Variants in CCDC38 observed in about 807,000 individuals in gnomAD.
CCDC38 encodes the protein coiled-coil domain containing 38, also known as coiled-coil domain-containing protein 38.
CCDC38 carries 69 observed loss-of-function variants against 72.8 expected under a neutral mutation model. The observed-to-expected ratio is 0.95, with a 90% CI of 0.78 to 1.16. The LOEUF (loss-of-function observed/expected upper bound fraction) is 1.16, where lower values mean the gene tolerates loss of function less well. Ranked by LOEUF, CCDC38 falls within the 50% of genes most tolerant of loss-of-function variation. The pLI, the probability that CCDC38 is intolerant of heterozygous loss-of-function variation, is 0.00. For synonymous variants in CCDC38, 201 were observed against 213.2 expected (o/e 0.94, Z 0.50); for missense variants, 626 against 638.9 (o/e 0.98, Z 0.22).
Position 95,898,640 on chromosome 12 carries a change from A to G in CCDC38, c.461T>C (p.Leu154Pro). 1 of 1,614,116 alleles carries G rather than the reference A, an allele frequency of 6.2e-7. No homozygotes were observed. Among genetic ancestry groups the G allele is most frequent in the Non-Finnish European group, 8.5e-7 (1 of 1,180,012 alleles). The stretch of plus-strand genomic sequence containing the variant: ...TTCAAAGGCCAGTGCATCATCTTGG[A>G]GCTTTTTCTCTGCTTTTTTTAGTTG... Reference protein sequence around the residue: ...ERQLKKAEKKLQDDALAFEEF... With the variant: ...ERQLKKAEKKPQDDALAFEEF... The change falls in exon 6 of 16, where the codon CTC (leucine) becomes CCC (proline). Residue 154 changes from leucine (L) to proline (P), a missense_variant. Leu to Pro is a moderately conservative substitution (Grantham distance 98). Transcript: ENST00000344280.
intron 10 of CCDC38, among the ~76,000 whole-genome samples, chr12:95,883,022 C>G (rs2079718480): frequency 6.6e-6 from 1 of 152,204 alleles, no homozygotes; most frequent in Admixed American, 6.5e-5. Context: ...TTATCTGTAA[C>G]CACTCTCTTT....
upstream of CCDC38, chr12:95,942,950 C>T (rs78634060): frequency 3.1e-3 from 488 of 155,934 alleles, no homozygotes; most frequent in Non-Finnish European, 5.9e-3. Context: ...AGAGGTTTCC[C>T]CCATGGCCCC....
chr12:95,896,306 T>C (rs1283127151), intron 7 of CCDC38, among the ~76,000 whole-genome samples: 1 of 152,130 alleles, frequency 6.6e-6, no homozygotes, highest in Non-Finnish European at 1.5e-5. Flanking sequence ...ATTGAGTGAC[T>C]TGGACCAAAA....
At chr12:95,874,009 C>T (rs891734853) in intron 13 of CCDC38, among the ~76,000 whole-genome samples, 5 of 152,134 alleles carry the variant, frequency 3.3e-5, no homozygotes, top group African/African-American at 1.2e-4. Context: ...TAAAAGAAAA[C>T]AGCAAAAGTC....
chr12:95,928,616 T>C (rs2080299826), intron 2 of CCDC38, among the ~76,000 whole-genome samples: 1 of 152,232 alleles, frequency 6.6e-6, no homozygotes, highest in Non-Finnish European at 1.5e-5. Context: ...AGAGGCGCTC[T>C]GCTTTTTAGA....
intron 4 of CCDC38, among the ~76,000 whole-genome samples, chr12:95,912,994 G>A (rs1332964618): frequency 1.3e-5 from 2 of 152,154 alleles, no homozygotes; most frequent in African/African-American, 2.4e-5. Flanking sequence ...TGAGCCAGGA[G>A]GTCGAGGCTG....
intron 7 of CCDC38, 40 bp from the exon 8 acceptor site, chr12:95,895,186 G>A: frequency 2.1e-6 from 3 of 1,449,050 alleles, no homozygotes; most frequent in Non-Finnish European, 2.8e-6. Flanking sequence ...GTATATCAGT[G>A]TGAAAGCACA....
At chr12:95,871,402 TC>T (rs1438034361) in intron 14 of CCDC38, among the ~76,000 whole-genome samples, 7 of 152,170 alleles carry the variant, frequency 4.6e-5, no homozygotes, top group African/African-American at 1.7e-4. Context: ...AAATATGCCG[TC>T]TTATATGAGA....
At chr12:95,876,012 ATTATT>A (rs1175712236) in intron 13 of CCDC38, among the ~76,000 whole-genome samples, 8 of 152,206 alleles carry the variant, frequency 5.3e-5, no homozygotes, top group African/African-American at 1.9e-4. Context: ...TGGTTTCAGA[ATTATT>A]TTAAACAGTT....
chr12:95,907,783 C>T (rs1023466630), intron 4 of CCDC38, among the ~76,000 whole-genome samples: 1 of 150,560 alleles, frequency 6.6e-6, no homozygotes, highest in Non-Finnish European at 1.5e-5. Flanking sequence ...CAGGCAGAGA[C>T]GCTCCTCACA....
chr12:95,930,472 ATTCTT>A (rs1592806871), intron 2 of CCDC38, among the ~76,000 whole-genome samples: 2 of 152,100 alleles, frequency 1.3e-5, no homozygotes, highest in Non-Finnish European at 2.9e-5. Context: ...CTCTTCCTCC[ATTCTT>A]CACATGACCT....
chr12:95,869,596 T>A, intron 14 of CCDC38, 23 bp from the exon 15 acceptor site: 31 of 1,547,098 alleles, frequency 2.0e-5, no homozygotes, highest in Non-Finnish European at 2.7e-5. Context: ...GGGAGAAACA[T>A]TCTTGTAACT....
Position 95,918,942 on chromosome 12 carries a change from C to T in CCDC38, c.72G>A (p.Arg24=), listed in dbSNP as rs201099050. The part of the protein sequence containing the change: ...KVKDGSTKED[R]PYKIFFRDLF... ...GATCTCTGAAAAAGATCTTATAAGGCCTGTCCTCTTTGGTTGAGCCATCTT... is the reference window on the plus strand; with the variant it reads ...GATCTCTGAAAAAGATCTTATAAGGTCTGTCCTCTTTGGTTGAGCCATCTT... Residue 24 remains arginine, a synonymous_variant, in exon 3 of 16, where the codon AGG becomes AGA. Transcript: ENST00000344280. 6.2e-7 allele frequency: 1 copy of T among 1,611,832 alleles called. No homozygotes were observed. The highest frequency in any genetic ancestry group is 1.3e-5 in the African/African-American group (1 of 74,934).
In CCDC38 at chr12:95,878,300, C is replaced by G. The variant is rs746109926; in HGVS notation, c.1189G>C (p.Ala397Pro). ...TTCTCTTCTTCTCTCACACAGTTAGCTTTAAGCATTTTTTCTTGCTCCAAA... is the reference window on the plus strand; with the variant it reads ...TTCTCTTCTTCTCTCACACAGTTAGGTTTAAGCATTTTTTCTTGCTCCAAA... ...FLLEQEKMLK[A>P]NCVREEEKAA... The change falls in exon 13 of 16, where the codon GCT becomes CCT. Residue 397 changes from alanine to proline, a missense_variant. Coordinates refer to ENST00000344280, the MANE Select transcript of CCDC38 (RefSeq NM_182496.3). The G allele has an allele frequency of 3.1e-6, 5 of 1,613,502 alleles. No homozygotes were observed. Among genetic ancestry groups the G allele is most frequent in the Non-Finnish European group, 4.2e-6 (5 of 1,179,740 alleles).
At chr12:95,923,798 T>A (rs1165547870) in intron 2 of CCDC38, among the ~76,000 whole-genome samples, 4 of 149,758 alleles carry the variant, frequency 2.7e-5, no homozygotes, top group African/African-American at 9.9e-5. Flanking sequence ...TGGTGTTTGG[T>A]TTTTTGTTCT....
rs777956188 is a variant in CCDC38, at chr12:95,881,494, G to A, written c.981C>T (p.Asp327=). 47 of 1,605,836 alleles carry A rather than the reference G, an allele frequency of 2.9e-5. No homozygotes were observed. Among genetic ancestry groups the A allele is most frequent in the African/African-American group, 6.7e-5 (5 of 74,664 alleles). The change falls in exon 11 of 16, where the codon GAC becomes GAT. Residue 327 remains aspartate (D), a synonymous_variant. Coordinates refer to ENST00000344280, the MANE Select transcript of CCDC38 (RefSeq NM_182496.3). ...SLEFLLDDEM[D]VDLEPALYFK... Reference sequence around the variant, plus strand: ...AATATAATCTGGTTACCAAATCAACGTCCATTTCATCATCTAAAAGGAATT... The same window carrying A: ...AATATAATCTGGTTACCAAATCAACATCCATTTCATCATCTAAAAGGAATT...
chr12:95,895,636 C>T (rs532597832), intron 7 of CCDC38, among the ~76,000 whole-genome samples: 2 of 151,720 alleles, frequency 1.3e-5, no homozygotes, highest in African/African-American at 4.8e-5. Context: ...GCCTGTAATC[C>T]CAGCTACTTG....
At position 95,869,592 on chromosome 12, in the gene CCDC38, A is replaced by C. The variant is rs1259307653; in HGVS notation, c.1485-19T>G. The C allele has an allele frequency of 2.6e-6, 4 of 1,560,136 alleles. No homozygotes were observed. Among genetic ancestry groups the C allele is most frequent in the Non-Finnish European group, 3.5e-6 (4 of 1,132,746 alleles). On this transcript the variant is annotated intron_variant, in intron 14 of 15. Coordinates refer to ENST00000344280, the MANE Select transcript of CCDC38 (RefSeq NM_182496.3). The stretch of plus-strand genomic sequence containing the variant: ...ACGAAACCTGTCACAAGAAGGGAGA[A>C]ACATTCTTGTAACTATAAATCACAT...
In CCDC38 at chr12:95,872,423, T is replaced by G; in HGVS notation, c.1316A>C (p.Gln439Pro). The G allele has an allele frequency of 1.2e-6, 2 of 1,614,076 alleles. No homozygotes were observed. Among genetic ancestry groups the G allele is most frequent in the Non-Finnish European group, 1.7e-6 (2 of 1,179,942 alleles). The part of the protein sequence containing the change: ...LIDSLSKKIT[Q>P]VYKVCIGDAE... ...ATCTCCAATGCAGACTTTGTATACTTGAGTAATCTTTTTACTAAGTGAGTC... is the reference window on the plus strand; with the variant it reads ...ATCTCCAATGCAGACTTTGTATACTGGAGTAATCTTTTTACTAAGTGAGTC... Residue 439 changes from glutamine to proline, a missense_variant, in exon 14 of 16, where the codon CAA becomes CCA. Transcript: ENST00000344280.
Sources: gnomAD v4.1 joint callset for allele counts (sites outside exome capture counted in the v4.1 genomes callset) on GRCh38, gnomAD v4.1.1 for gene constraint, MANE v1.5 for transcripts, NCBI Gene and HGNC (gene_info 2026-07-23, HGNC 2026-07-21) for gene names.